The following PCDHA8 variants were observed in gnomAD, a reference collection of about 807,000 sequenced individuals.
The protein encoded by PCDHA8 is protocadherin alpha 8, also known as protocadherin alpha-8.
Under a neutral mutation model 61.8 loss-of-function variants are expected in PCDHA8, and 53 were observed. The observed-to-expected ratio is 0.86, with a 90% CI of 0.69 to 1.08. The LOEUF is 1.08. Ranked by LOEUF, PCDHA8 falls within the 50% of genes least tolerant of loss-of-function variation. The pLI is 0.00. For missense variants in PCDHA8, 1,293 were observed against 1,245.0 expected, an observed-to-expected ratio of 1.04 and a Z score of -0.58; for synonymous variants, 618 against 556.6, an observed-to-expected ratio of 1.11 and a Z score of -1.55.
At chr5:140,964,174 A>G (rs1187603456) in intron 1 of PCDHA8, among the ~76,000 whole-genome samples, 2 of 152,250 alleles carry the variant, frequency 1.3e-5, no homozygotes, top group African/African-American at 4.8e-5. Flanking sequence ...GAACGAAATC[A>G]TTATAGTGCC....
intron 1 of PCDHA8, among the ~76,000 whole-genome samples, chr5:140,978,421 T>C (rs969808613): frequency 2.0e-5 from 3 of 152,236 alleles, no homozygotes; most frequent in Non-Finnish European, 4.4e-5. Flanking sequence ...AAAGAGACTG[T>C]TATCAGTTGC....
chr5:140,870,080 C>T (rs2051640102), intron 1 of PCDHA8: 1 of 1,613,722 alleles, frequency 6.2e-7, no homozygotes, highest in Non-Finnish European at 8.5e-7. Flanking sequence ...GATAAGGGGA[C>T]TCCCCCAATG....
Position 140,883,641 on chromosome 5 carries a change from C to T in PCDHA8, c.2394+39926C>T, listed in dbSNP as rs1427282306. On this transcript the variant is annotated intron_variant, in intron 1 of 3. Coordinates refer to ENST00000531613, the MANE Select transcript of PCDHA8 (RefSeq NM_018911.3). ...GACAACGCGCCGGCGTTCGCGCAGC[C>T]CGAGTACACGGTGTTCGTGAAGGAA... is the stretch of plus-strand genomic sequence containing the variant. 3.7e-6 allele frequency: 6 copies of T among 1,613,840 alleles called. No homozygotes were observed. In the Admixed American group the frequency reaches 6.7e-5, roughly 18 times the overall value.
chr5:140,866,355 C>T (rs1031469942), intron 1 of PCDHA8: 16 of 152,086 alleles, frequency 1.1e-4, no homozygotes, highest in African/African-American at 3.6e-4. Flanking sequence ...GAAATGTTTA[C>T]AATATTGCAT....
At chr5:140,850,316 T>A (rs2150479207) in intron 1 of PCDHA8, 1 of 1,597,026 alleles carries the variant, frequency 6.3e-7, no homozygotes, top group African/African-American at 1.3e-5. Flanking sequence ...ACGCGTGGCT[T>A]TCATACGAGC....
intron 1 of PCDHA8, chr5:140,877,350 G>T (rs376513441): frequency 1.9e-6 from 3 of 1,614,014 alleles, no homozygotes; most frequent in Non-Finnish European, 2.5e-6. Flanking sequence ...ACGTGGGGCT[G>T]TACACTGGCG....
Position 140,931,736 on chromosome 5 carries a change from G to T in PCDHA8, c.2395-47213G>T, listed in dbSNP as rs550065133. On this transcript the variant is annotated intron_variant, in intron 1 of 3. Transcript: ENST00000531613. ...TAACTTCTATAAATATGGGGTATTT[G>T]TAATTCACAAAGGCATTTGTTATTT... is the stretch of plus-strand genomic sequence containing the variant. Among the ~76,000 whole-genome samples, 307 of 152,008 alleles carry T rather than the reference G, an allele frequency of 2.0e-3. 3 individuals carry two copies. The highest frequency in any genetic ancestry group is 7.2e-3 in the African/African-American group (300 of 41,524).
intron 1 of PCDHA8, chr5:140,870,108 C>T (rs1317421695): frequency 1.2e-6 from 2 of 1,613,788 alleles, no homozygotes; most frequent in Non-Finnish European, 1.7e-6. Context: ...ACTGTACAGT[C>T]TGGGTGGAAA....
chr5:140,883,083 G>A (rs267600402), intron 1 of PCDHA8: 8 of 1,614,082 alleles, frequency 5.0e-6, no homozygotes, highest in Non-Finnish European at 6.8e-6. Flanking sequence ...CCTGATGATG[G>A]TACAAATGGA....
At chr5:140,994,059 A>G (rs2097593470) in intron 3 of PCDHA8, among the ~76,000 whole-genome samples, 5 of 152,174 alleles carry the variant, frequency 3.3e-5, no homozygotes, top group Admixed American at 3.3e-4. Context: ...GCCCTTATAA[A>G]TCTAATGGTG....
At position 140,867,369 on chromosome 5, in the gene PCDHA8, G is replaced by A. The variant is rs554108396; in HGVS notation, c.2394+23654G>A. On this transcript the variant is annotated intron_variant, in intron 1 of 3. Coordinates refer to ENST00000531613, the MANE Select transcript of PCDHA8 (RefSeq NM_018911.3). ...CTATGATTGATTATTTTACAGATGC[G>A]TAATGGAATTAACGGTTATAAAAGT... is the stretch of plus-strand genomic sequence containing the variant. 21 of 152,194 alleles carry A rather than the reference G, an allele frequency of 1.4e-4. 1 individual carries two copies. Among genetic ancestry groups the A allele is most frequent in the South Asian group, 1.0e-3 (5 of 4,822 alleles). The allele number at this position is 152,194 out of a possible 1,614,324, so 9.4% of individuals were successfully genotyped here.
At chr5:140,855,432 A>T (rs2043465166) in intron 1 of PCDHA8, among the ~76,000 whole-genome samples, 1 of 150,022 alleles carries the variant, frequency 6.7e-6, no homozygotes, top group Non-Finnish European at 1.5e-5. Context: ...TCTAGTGATG[A>T]CTAGATCTTC....
chr5:140,852,444 A>G (rs1327164540), intron 1 of PCDHA8: 1 of 183,986 alleles, frequency 5.4e-6, no homozygotes, highest in Non-Finnish European at 1.1e-5. Context: ...CGCCCAGCTA[A>G]TTTTTGTATT....
At chr5:140,857,435 G>A (rs912006741) in intron 1 of PCDHA8, 4 of 1,598,574 alleles carry the variant, frequency 2.5e-6, no homozygotes, top group Admixed American at 3.4e-5. Flanking sequence ...CACGGTGTTC[G>A]TGAAGGAGAA....
intron 1 of PCDHA8, chr5:140,849,371 G>C: frequency 6.7e-7 from 1 of 1,495,460 alleles, no homozygotes. Flanking sequence ...TAAAATCCAA[G>C]TTCCACATGG....
intron 2 of PCDHA8, among the ~76,000 whole-genome samples, chr5:140,981,204 A>G (rs782466772): frequency 2.6e-5 from 4 of 152,218 alleles, no homozygotes; most frequent in Non-Finnish European, 5.9e-5. Context: ...CTGTTGCCTC[A>G]TATAACCCCT....
chr5:140,939,311 C>A (rs972598257), intron 1 of PCDHA8, among the ~76,000 whole-genome samples: 1 of 152,130 alleles, frequency 6.6e-6, no homozygotes, highest in African/African-American at 2.4e-5. Flanking sequence ...AAAGCCCTAC[C>A]TCCTAATATC....
At chr5:140,883,366 C>T (rs34923516) in intron 1 of PCDHA8, 1 of 1,614,174 alleles carries the variant, frequency 6.2e-7, no homozygotes, top group South Asian at 1.1e-5. Context: ...CTCAGCCTAG[C>T]GCCATTATTG....
intron 1 of PCDHA8, among the ~76,000 whole-genome samples, chr5:140,946,611 A>AATATATATATATATATATATAT (rs1554217734): frequency 0.012 from 1,017 of 86,324 alleles, 26 homozygotes; most frequent in Middle Eastern, 0.016. Flanking sequence ...GAAAATGTGA[A>AATATATATATATATATATATAT]ATATATATAT....
Sources: allele counts gnomAD v4.1 joint callset (sites outside exome capture counted in the v4.1 genomes callset), GRCh38; gene constraint gnomAD v4.1.1; transcripts MANE v1.5; gene names NCBI Gene and HGNC (gene_info 2026-07-23, HGNC 2026-07-21).